Variants in SLMAP observed in about 807,000 individuals in gnomAD.
SLMAP encodes sarcolemma associated protein, also known as sarcolemmal membrane-associated protein.
In SLMAP, 44 loss-of-function variants were observed where a neutral mutation model predicts 128.8. The ratio of observed to expected loss-of-function variants is 0.34; its 90% CI spans 0.27 to 0.44. SLMAP has a LOEUF of 0.44. SLMAP is among the 20% of genes least tolerant of loss of function. The pLI, the probability that SLMAP is intolerant of heterozygous loss-of-function variation, is 1.00. For missense variants in SLMAP, 787 were observed against 985.3 expected, an observed-to-expected ratio of 0.80 and a Z score of 2.69; for synonymous variants, 327 against 348.8, an observed-to-expected ratio of 0.94 and a Z score of 0.70.
intron 2 of SLMAP, among the ~76,000 whole-genome samples, chr3:57,823,187 CT>C (rs200738101): frequency 1.7e-4 from 26 of 151,584 alleles, no homozygotes; most frequent in African/African-American, 6.3e-4. Context: ...AAAACTTTAT[CT>C]TTTTTTTTCT....
At chr3:57,852,417 A>C (rs2094541207) in intron 6 of SLMAP, among the ~76,000 whole-genome samples, 1 of 152,180 alleles carries the variant, frequency 6.6e-6, no homozygotes, top group South Asian at 2.1e-4. Flanking sequence ...CCCTCATTTA[A>C]TCCTTGGCTT....
At chr3:57,855,613 A>G (rs1343257322) in intron 6 of SLMAP, among the ~76,000 whole-genome samples, 1 of 147,604 alleles carries the variant, frequency 6.8e-6, no homozygotes, top group Non-Finnish European at 1.5e-5. Context: ...ATGGTGGCTC[A>G]TGCCTGAAAT....
chr3:57,840,502 G>A (rs999822089), intron 3 of SLMAP, among the ~76,000 whole-genome samples: 1 of 152,106 alleles, frequency 6.6e-6, no homozygotes, highest in Non-Finnish European at 1.5e-5. Flanking sequence ...ATAAAAAACC[G>A]TCAACCTTCA....
At chr3:57,865,837 A>G (rs964877345) in intron 13 of SLMAP, among the ~76,000 whole-genome samples, 3 of 152,110 alleles carry the variant, frequency 2.0e-5, no homozygotes, top group Admixed American at 6.5e-5. Flanking sequence ...CCAAAAACAT[A>G]TAGCCACTAT....
intron 17 of SLMAP, among the ~76,000 whole-genome samples, chr3:57,907,248 CG>C (rs2096592239): frequency 6.6e-6 from 1 of 151,772 alleles, no homozygotes; most frequent in Admixed American, 6.6e-5. Flanking sequence ...AGGATGGTCT[CG>C]ATCTCCTGAC....
chr3:57,902,866 G>A (rs745361793), intron 17 of SLMAP, among the ~76,000 whole-genome samples: 2 of 152,148 alleles, frequency 1.3e-5, no homozygotes, highest in Non-Finnish European at 2.9e-5. Context: ...CATAATTATC[G>A]TCAAAAGTGC....
In SLMAP at chr3:57,794,719, T is replaced by C. The variant is rs554525601; in HGVS notation, c.199-36664T>C. On this transcript the variant is annotated intron_variant, in intron 2 of 24. Coordinates refer to ENST00000671191, the MANE Select transcript of SLMAP (RefSeq NM_001377540.1). ...TCTTTTGTGTCTGGCTTCTTTCATT[T>C]AGCATTTTCAAGCTTCATCTAAGTT... 2.0e-5 allele frequency among the ~76,000 whole-genome samples: 3 copies of C among 152,352 alleles called. No homozygotes were observed. The South Asian group carries it at 6.2e-4, about 32-fold the overall frequency.
intron 14 of SLMAP, among the ~76,000 whole-genome samples, chr3:57,886,747 C>G (rs539259422): frequency 9.2e-4 from 135 of 147,520 alleles, no homozygotes; most frequent in Admixed American, 1.6e-3. Context: ...GTGACAGATA[C>G]GAGCTTATAA....
chr3:57,775,100 G>T (rs1053017349), intron 2 of SLMAP, among the ~76,000 whole-genome samples: 15 of 151,584 alleles, frequency 9.9e-5, no homozygotes, highest in Non-Finnish European at 2.2e-4. Flanking sequence ...TGTCGCCCAG[G>T]CCGGAGTACA....
rs527440302 is a variant in SLMAP, at chr3:57,854,235, A to G, written c.520-3498A>G. Among the ~76,000 whole-genome samples, 3 of 151,570 alleles carry G rather than the reference A, an allele frequency of 2.0e-5. No individual in the cohort carries two copies. The South Asian group carries it at 6.2e-4, about 31-fold the overall frequency. On this transcript the variant is annotated intron_variant, in intron 6 of 24. Coordinates refer to ENST00000671191, the MANE Select transcript of SLMAP (RefSeq NM_001377540.1). ...TATATTAATTACTGCTAAGTGTTATATAGTCAGAGAGAATCAGAACACCTG... is the reference window on the plus strand; with the variant it reads ...TATATTAATTACTGCTAAGTGTTATGTAGTCAGAGAGAATCAGAACACCTG...
intron 17 of SLMAP, among the ~76,000 whole-genome samples, chr3:57,904,876 G>T (rs2096487905): frequency 6.6e-6 from 1 of 152,054 alleles, no homozygotes; most frequent in African/African-American, 2.4e-5. Flanking sequence ...TTCAGCCCTG[G>T]TGCAACATAG....
chr3:57,847,276 G>T (rs369314287), intron 5 of SLMAP, 43 bp downstream of exon 5: 25 of 1,482,872 alleles, frequency 1.7e-5, no homozygotes, highest in Non-Finnish European at 2.3e-5. Flanking sequence ...ACTCAGCTAT[G>T]TTGCTTTGAA....
chr3:57,785,240 A>G (rs2153465096), intron 2 of SLMAP, among the ~76,000 whole-genome samples: 1 of 152,354 alleles, frequency 6.6e-6, no homozygotes, highest in East Asian at 1.9e-4. Flanking sequence ...TACACCAGTC[A>G]TAATGATGCC....
At chr3:57,920,697 A>G (rs268765) in intron 22 of SLMAP, among the ~76,000 whole-genome samples, 23,988 of 152,010 alleles carry the variant, frequency 0.16, 2,428 homozygotes, top group East Asian at 0.43. Flanking sequence ...ATCCTTGTCT[A>G]TCTTCCTTCT....
intron 21 of SLMAP, among the ~76,000 whole-genome samples, chr3:57,916,386 C>CA (rs1169869146): frequency 2.0e-5 from 3 of 152,158 alleles, no homozygotes; most frequent in Non-Finnish European, 4.4e-5. Flanking sequence ...TAAATAGTGG[C>CA]AGAGCTAGGG....
At chr3:57,768,396 TA>T (rs1299673018) in intron 2 of SLMAP, among the ~76,000 whole-genome samples, 16 of 152,300 alleles carry the variant, frequency 1.1e-4, no homozygotes, top group African/African-American at 3.8e-4. Context: ...ATTTTTTACT[TA>T]TACAAATAAC....
intron 6 of SLMAP, among the ~76,000 whole-genome samples, chr3:57,853,992 T>TATATA (rs1553881296): frequency 9.2e-6 from 1 of 109,084 alleles, no homozygotes; most frequent in East Asian, 2.5e-4. Context: ...TATATATATA[T>TATATA]ATATATATTT....
intron 8 of SLMAP, among the ~76,000 whole-genome samples, chr3:57,859,350 T>C (rs2094942596): frequency 1.4e-5 from 2 of 147,846 alleles, no homozygotes; most frequent in South Asian, 4.3e-4. Flanking sequence ...GCGGGGGCAG[T>C]TTGAGACCAG....
intron 2 of SLMAP, among the ~76,000 whole-genome samples, chr3:57,775,627 C>T (rs1232999796): frequency 6.7e-6 from 1 of 150,348 alleles, no homozygotes; most frequent in Non-Finnish European, 1.5e-5. Flanking sequence ...AGTTGGGGGG[C>T]TGCAGTGAGC....
Sources: gnomAD v4.1 joint callset for allele counts (sites outside exome capture counted in the v4.1 genomes callset) on GRCh38, gnomAD v4.1.1 for gene constraint, MANE v1.5 for transcripts, NCBI Gene and HGNC (gene_info 2026-07-23, HGNC 2026-07-21) for gene names.